The following TNC variants were observed in gnomAD, a reference collection of about 807,000 sequenced individuals.
TNC encodes the protein tenascin.
Under a neutral mutation model 202.4 loss-of-function variants are expected in TNC, and 109 were observed. That is an observed-to-expected ratio of 0.54 (90% confidence interval 0.46 to 0.63). The LOEUF is 0.63. TNC is among the 30% of genes least tolerant of loss of function. The pLI, the probability that TNC is intolerant of heterozygous loss-of-function variation, is 0.00. For synonymous variants in TNC, 1,007 were observed against 1,089.7 expected (o/e 0.92, Z 1.50); for missense variants, 2,756 against 2,833.3 (o/e 0.97, Z 0.62).
chr9:115,032,321 C>T lies in TNC; in HGVS notation c.5788-636G>A, dbSNP rs186838003. Among the ~76,000 whole-genome samples, 137 of 152,106 alleles carry T rather than the reference C, an allele frequency of 9.0e-4. 1 individual carries two copies. The highest frequency in any genetic ancestry group is 1.6e-3 in the Admixed American group (24 of 15,270). ...TTGAAACTTAAAGTTTATCATTAAA[C>T]GGAGTGAGGAGCCCTGTAAGGTATA... On this transcript the variant is annotated intron_variant, in intron 22 of 27. Transcript: ENST00000350763.
In TNC at chr9:115,059,775, T is replaced by A; in HGVS notation, c.4261A>T (p.Ile1421Phe). The change falls in exon 14 of 28, where the codon ATC becomes TTC. Residue 1421 changes from isoleucine to phenylalanine, a missense_variant. Around this residue, in one of 2 missense-constraint regions of TNC, gnomAD observed 2,559 missense variants for 2,546.0 expected, o/e 1.01. Coordinates refer to ENST00000350763, the MANE Select transcript of TNC (RefSeq NM_002160.4). The part of the protein sequence containing the change: ...TPYRVSIYGV[I>F]RGYRTPVLSA... Reference sequence around the variant, plus strand: ...AGTACTGGTGTTCTATAGCCCCGGATCACCCCATAGATGGAGACTCTATAA... The same window carrying A: ...AGTACTGGTGTTCTATAGCCCCGGAACACCCCATAGATGGAGACTCTATAA... 6.2e-7 allele frequency: 1 copy of A among 1,613,724 alleles called. No homozygotes were observed. The highest frequency in any genetic ancestry group is 8.5e-7 in the Non-Finnish European group (1 of 1,179,718).
At chr9:115,027,933 G>A (rs1296056394) in intron 25 of TNC, among the ~76,000 whole-genome samples, 4 of 152,080 alleles carry the variant, frequency 2.6e-5, no homozygotes, top group African/African-American at 7.2e-5. Context: ...CATCAAGTAG[G>A]ACTCGGAGAC....
intron 1 of TNC, among the ~76,000 whole-genome samples, chr9:115,109,369 A>G (rs552056975): frequency 2.6e-5 from 4 of 152,356 alleles, no homozygotes; most frequent in East Asian, 1.9e-4. Flanking sequence ...GATAAGAAGA[A>G]ATTAGCTTAA....
In TNC at chr9:115,081,871, G is replaced by A. The variant is rs745878974; in HGVS notation, c.2305C>T (p.Arg769Trp). The change falls in exon 6 of 28, where the codon CGG becomes TGG. Residue 769 changes from arginine (R) to tryptophan (W), a missense_variant. Around this residue, in one of 2 missense-constraint regions of TNC, gnomAD observed 2,559 missense variants for 2,546.0 expected, o/e 1.01. Coordinates refer to ENST00000350763, the MANE Select transcript of TNC (RefSeq NM_002160.4). ...KSLRRPETSY[R>W]QTGLAPGQEY... ...TGCCCAGGAGCTAGACCAGTTTGCC[G>A]GTAAGAGGTCTCTGGCCTCCTCAGG... 8.1e-6 allele frequency: 13 copies of A among 1,602,162 alleles called. No homozygotes were observed. Among genetic ancestry groups the A allele is most frequent in the African/African-American group, 2.7e-5 (2 of 73,782 alleles).
chr9:115,035,937 C>T, intron 21 of TNC, 161 bp downstream of exon 21: 1 of 824,556 alleles, frequency 1.2e-6, no homozygotes. Flanking sequence ...TTCTTCAGGC[C>T]TTGACTGAGT....
At chr9:115,110,652 A>G (rs1169520424) in intron 1 of TNC, among the ~76,000 whole-genome samples, 1 of 152,232 alleles carries the variant, frequency 6.6e-6, no homozygotes, top group African/African-American at 2.4e-5. Flanking sequence ...AGAGGAATAG[A>G]TTGAGGGAGG....
chr9:115,035,652 T>C (rs1358093496), intron 21 of TNC: 3 of 284,630 alleles, frequency 1.1e-5, no homozygotes, highest in Non-Finnish European at 2.0e-5. Flanking sequence ...CTAATATCAA[T>C]ACTCACCCTG....
chr9:115,023,590 T>G (rs1829250943), intron 27 of TNC, among the ~76,000 whole-genome samples: 1 of 152,166 alleles, frequency 6.6e-6, no homozygotes, highest in Non-Finnish European at 1.5e-5. Flanking sequence ...GGACTTCATT[T>G]TAAGGTGTTC....
At chr9:115,023,359 A>G (rs1028903022) in intron 27 of TNC, among the ~76,000 whole-genome samples, 1 of 152,152 alleles carries the variant, frequency 6.6e-6, no homozygotes, top group Non-Finnish European at 1.5e-5. Flanking sequence ...AGAGTAAGGG[A>G]GATTACTGAA....
At chr9:115,047,579 T>C (rs1336445214) in intron 16 of TNC, among the ~76,000 whole-genome samples, 1 of 152,204 alleles carries the variant, frequency 6.6e-6, no homozygotes, top group Non-Finnish European at 1.5e-5. Flanking sequence ...TCTTTAACTT[T>C]GTTTAACTCA....
chr9:115,063,201 C>T lies in TNC; in HGVS notation c.3761-12G>A, dbSNP rs1219866317. ...ATCTGGAACCTCCTCTGCATAAGGA[C>T]ACAGAGTTGCTGAGTTACTTAAAAA... On this transcript the variant is annotated splice_polypyrimidine_tract_variant and intron_variant, in intron 12 of 27. Coordinates refer to ENST00000350763, the MANE Select transcript of TNC (RefSeq NM_002160.4). 1 of 1,611,298 alleles carries T rather than the reference C, an allele frequency of 6.2e-7. No individual in the cohort carries two copies. The highest frequency in any genetic ancestry group is 1.3e-5 in the African/African-American group (1 of 74,856).
At chr9:115,041,797 A>T (rs1830777464) in intron 18 of TNC, among the ~76,000 whole-genome samples, 1 of 152,198 alleles carries the variant, frequency 6.6e-6, no homozygotes, top group East Asian at 1.9e-4. Context: ...TAGAACTCAC[A>T]AATTTTCTAA....
intron 14 of TNC, among the ~76,000 whole-genome samples, chr9:115,058,905 G>A (rs146742102): frequency 5.3e-5 from 8 of 152,296 alleles, no homozygotes; most frequent in Non-Finnish European, 1.0e-4. Flanking sequence ...GTAGAGTGAC[G>A]AGTAAACTAT....
At chr9:115,027,210 T>C (rs1014218968) in intron 25 of TNC, among the ~76,000 whole-genome samples, 12 of 151,752 alleles carry the variant, frequency 7.9e-5, no homozygotes, top group African/African-American at 2.9e-4. Context: ...TAAAATCGGG[T>C]TGACATTTTT....
At chr9:115,067,019 C>A (rs1039054473) in intron 10 of TNC, among the ~76,000 whole-genome samples, 8 of 152,174 alleles carry the variant, frequency 5.3e-5, no homozygotes, top group Non-Finnish European at 1.2e-4. Flanking sequence ...ACCAGAGGCT[C>A]CAAAGCAGTT....
chr9:115,027,215 A>T (rs1356730895), intron 25 of TNC, among the ~76,000 whole-genome samples: 1 of 152,050 alleles, frequency 6.6e-6, no homozygotes, highest in Non-Finnish European at 1.5e-5. Context: ...TCGGGTTGAC[A>T]TTTTTGCCCC....
At chr9:115,111,551 G>C (rs1484506596) in intron 1 of TNC, among the ~76,000 whole-genome samples, 3 of 151,660 alleles carry the variant, frequency 2.0e-5, no homozygotes, top group African/African-American at 7.3e-5. Context: ...TGGGATTACA[G>C]GTGCCCACCA....
intron 1 of TNC, among the ~76,000 whole-genome samples, chr9:115,103,552 G>C (rs960306279): frequency 2.0e-5 from 3 of 152,154 alleles, no homozygotes; most frequent in African/African-American, 7.2e-5. Flanking sequence ...GACCAACAGG[G>C]TCATTGTGTG....
At position 115,048,522 on chromosome 9, in the gene TNC, G is replaced by C. The variant is rs372641998; in HGVS notation, c.4590C>G (p.Pro1530=). ...ISATATTEAL[P]LLENLTISDI... ...CGGAAATGGTTAGGTTTTCCAGAAG[G>C]GGCAGGGCCTCTGAAAGAAGGGAGG... Residue 1530 remains proline (P), a synonymous_variant, in exon 16 of 28, where the codon CCC becomes CCG. Transcript: ENST00000350763. 7 of 1,611,194 alleles carry C rather than the reference G, an allele frequency of 4.3e-6. 1 individual carries two copies. Among genetic ancestry groups the C allele is most frequent in the Middle Eastern group, 3.3e-4 (2 of 6,038 alleles).
Sources: gnomAD v4.1 joint callset for allele counts (sites outside exome capture counted in the v4.1 genomes callset) on GRCh38, gnomAD v4.1.1 for gene constraint, gnomAD v4.1.1 regional missense constraint, MANE v1.5 for transcripts, NCBI Gene and HGNC (gene_info 2026-07-23, HGNC 2026-07-21) for gene names.